The following FBXW8 variants were observed in gnomAD, a reference collection of about 807,000 sequenced individuals.
FBXW8 encodes the protein F-box and WD repeat domain containing 8.
FBXW8 carries 57 observed loss-of-function variants against 65.3 expected under a neutral mutation model. The ratio of observed to expected loss-of-function variants is 0.87; its 90% CI spans 0.71 to 1.09. The LOEUF is 1.09. Among genes scored for constraint, FBXW8 ranks in the 50% least tolerant of loss-of-function variants. The probability of loss-of-function intolerance (pLI) is 0.00; values close to 1 mark genes in which losing one functional copy is unlikely to be tolerated. For synonymous variants in FBXW8, 308 were observed against 330.2 expected (o/e 0.93, Z 0.73); for missense variants, 777 against 814.8 (o/e 0.95, Z 0.57).
chr12:116,917,190 C>CT (rs2137287685), intron 1 of FBXW8, among the ~76,000 whole-genome samples: 1 of 152,294 alleles, frequency 6.6e-6, no homozygotes, highest in African/African-American at 2.4e-5. Flanking sequence ...AAAGCTCTTC[C>CT]AATTTTTAAT....
intron 2 of FBXW8, among the ~76,000 whole-genome samples, chr12:116,938,767 A>G (rs897346659): frequency 3.3e-5 from 5 of 152,216 alleles, no homozygotes; most frequent in Non-Finnish European, 7.3e-5. Flanking sequence ...GCTCCATCCA[A>G]CAAAACGAAG....
At chr12:116,997,719 T>C (rs1324092173) in intron 7 of FBXW8, among the ~76,000 whole-genome samples, 1 of 152,212 alleles carries the variant, frequency 6.6e-6, no homozygotes, top group Non-Finnish European at 1.5e-5. Flanking sequence ...CCAGCAGCCC[T>C]GGGCTGCTGC....
At chr12:116,984,150 G>T (rs1408725893) in intron 5 of FBXW8, among the ~76,000 whole-genome samples, 1 of 152,168 alleles carries the variant, frequency 6.6e-6, no homozygotes, top group Non-Finnish European at 1.5e-5. Context: ...ATGATAAAAA[G>T]AAATTATTTT....
At chr12:117,009,171 A>G (rs769027337) in intron 7 of FBXW8, among the ~76,000 whole-genome samples, 8 of 152,234 alleles carry the variant, frequency 5.3e-5, no homozygotes, top group Non-Finnish European at 1.2e-4. Flanking sequence ...CAAAAGTTTG[A>G]GACCCGGCTG....
At chr12:116,942,770 ATTTTTT>A (rs71099022) in intron 2 of FBXW8, among the ~76,000 whole-genome samples, 1 of 64,358 alleles carries the variant, frequency 1.6e-5, no homozygotes, top group Admixed American at 2.3e-4. Flanking sequence ...CAGAGCTTCT[ATTTTTT>A]TTTTTTTTTT....
At chr12:116,999,882 C>T (rs1282746187) in intron 7 of FBXW8, among the ~76,000 whole-genome samples, 1 of 152,184 alleles carries the variant, frequency 6.6e-6, no homozygotes, top group East Asian at 1.9e-4. Flanking sequence ...TTTTGAAAAA[C>T]AGTCCTACTT....
At chr12:117,013,352 G>A (rs1051116483) in intron 8 of FBXW8, among the ~76,000 whole-genome samples, 1 of 152,202 alleles carries the variant, frequency 6.6e-6, no homozygotes, top group African/African-American at 2.4e-5. Flanking sequence ...TCGCTGGGAG[G>A]GAAGGCTTGT....
chr12:117,000,055 C>T (rs888321334), intron 7 of FBXW8, among the ~76,000 whole-genome samples: 1 of 148,692 alleles, frequency 6.7e-6, no homozygotes, highest in Non-Finnish European at 1.5e-5. Flanking sequence ...GATCTCTGCT[C>T]ACTGCAAGCT....
chr12:116,955,249 CAGCAG>C (rs1198730259), intron 4 of FBXW8, among the ~76,000 whole-genome samples: 1 of 152,204 alleles, frequency 6.6e-6, no homozygotes, highest in Non-Finnish European at 1.5e-5. Context: ...CAAGGATATG[CAGCAG>C]CGCAGAAAAG....
intron 5 of FBXW8, among the ~76,000 whole-genome samples, chr12:116,982,258 G>T (rs2135663515): frequency 6.6e-6 from 1 of 152,250 alleles, no homozygotes; most frequent in East Asian, 1.9e-4. Context: ...GCTGTCTATG[G>T]AAAACCCACT....
In FBXW8 at chr12:116,936,844, A is replaced by G. The variant is rs1466134178; in HGVS notation, c.424-8520A>G. Among the ~76,000 whole-genome samples, 1 of 152,162 alleles carries G rather than the reference A, an allele frequency of 6.6e-6. No homozygotes were observed. Among genetic ancestry groups the G allele is most frequent in the Non-Finnish European group, 1.5e-5 (1 of 68,028 alleles). ...TGTGATAAGCGTTTAATCCATTAAAAGAACTCGAAGTTTTGTGAATAAGAT... is the reference window on the plus strand; with the variant it reads ...TGTGATAAGCGTTTAATCCATTAAAGGAACTCGAAGTTTTGTGAATAAGAT... On this transcript the variant is annotated intron_variant, in intron 2 of 10. Coordinates refer to ENST00000652555, the MANE Select transcript of FBXW8 (RefSeq NM_153348.3). This position sits in a 1 kb window ranked among gnomAD's most constrained non-coding sequence, Gnocchi z 4.6.
chr12:116,958,325 C>A (rs1241255309), intron 4 of FBXW8, among the ~76,000 whole-genome samples: 1 of 151,982 alleles, frequency 6.6e-6, no homozygotes, highest in African/African-American at 2.4e-5. Context: ...GAAGAAATAC[C>A]AAAGAAGCAA....
intron 1 of FBXW8, among the ~76,000 whole-genome samples, chr12:116,921,561 C>T (rs963551569): frequency 5.9e-5 from 9 of 152,134 alleles, no homozygotes; most frequent in African/African-American, 1.7e-4. Flanking sequence ...AAGATTTTAG[C>T]TCTTTGAGTG....
chr12:116,984,922 C>T (rs12322115), intron 5 of FBXW8, among the ~76,000 whole-genome samples: 2,009 of 152,174 alleles, frequency 0.013, 39 homozygotes, highest in African/African-American at 0.046. Context: ...CCCATCAGTT[C>T]AAAAATGCAG....
intron 5 of FBXW8, 74 bp downstream of exon 5, chr12:116,964,928 TC>T: frequency 6.8e-7 from 1 of 1,464,016 alleles, no homozygotes; most frequent in Non-Finnish European, 9.1e-7. Flanking sequence ...TGTGGCCGGC[TC>T]CCCCCTGTAA....
At position 116,945,388 on chromosome 12, in the gene FBXW8, G is replaced by A; in HGVS notation, c.448G>A (p.Ala150Thr). The change falls in exon 3 of 11, where the codon GCA (alanine) becomes ACA (threonine). Residue 150 changes from alanine (A) to threonine (T), a missense_variant. Transcript: ENST00000652555. Reference protein sequence around the residue: ...AQVSKTWKVIAEDEVLWYRLC... With the variant: ...AQVSKTWKVITEDEVLWYRLC... Reference sequence around the variant, plus strand: ...GGTGAGCAAGACGTGGAAGGTGATTGCAGAGGATGAGGTGCTGTGGTACAG... The same window carrying A: ...GGTGAGCAAGACGTGGAAGGTGATTACAGAGGATGAGGTGCTGTGGTACAG... The A allele has an allele frequency of 6.2e-7, 1 of 1,613,320 alleles. No individual in the cohort carries two copies.
intron 7 of FBXW8, chr12:117,002,853 A>G (rs1214669700): frequency 6.6e-6 from 1 of 152,046 alleles, no homozygotes; most frequent in Admixed American, 6.5e-5. Context: ...GTCTTAGCTC[A>G]TCTGTGAATT....
At position 116,911,332 on chromosome 12, in the gene FBXW8, G is replaced by T. The variant is rs1879916029; in HGVS notation, c.295G>T (p.Val99Leu). 1 of 1,283,532 alleles carries T rather than the reference G, an allele frequency of 7.8e-7. No individual in the cohort carries two copies. The highest frequency in any genetic ancestry group is 1.5e-5 in the African/African-American group (1 of 64,902). 79.5% of individuals were successfully genotyped at this position (1,283,532 alleles called of 1,614,324 possible). A position where few individuals can be genotyped will look rare whatever the true frequency, so the allele number is the denominator to read the frequency against. The change falls in exon 1 of 11, where the codon GTG (valine) becomes TTG (leucine). Residue 99 changes from valine (V) to leucine (L), a missense_variant. Physicochemically the swap from Val to Leu is conservative, Grantham distance 32. Transcript: ENST00000652555. ...REGAGGGEQLVDQLIRDLNEM... is the reference protein window; with the variant it reads ...REGAGGGEQLLDQLIRDLNEM... ...GGGCGCCGGGGGCGGGGAGCAGCTG[G>T]TGGACCAGCTCATCCGCGACCTGGT...
At chr12:116,944,220 T>G (rs963146138) in intron 2 of FBXW8, among the ~76,000 whole-genome samples, 3 of 152,224 alleles carry the variant, frequency 2.0e-5, no homozygotes, top group Non-Finnish European at 4.4e-5. Context: ...GTTGCAATCC[T>G]TTTGTTAATT....
Sources: allele counts gnomAD v4.1 joint callset (sites outside exome capture counted in the v4.1 genomes callset), GRCh38; gene constraint gnomAD v4.1.1; non-coding constraint Gnocchi (gnomAD v3.1); transcripts MANE v1.5; gene names NCBI Gene and HGNC (gene_info 2026-07-23, HGNC 2026-07-21).